SLC9A9: variants seen among roughly 807,000 people sequenced by gnomAD.
The protein encoded by SLC9A9 is solute carrier family 9 member A9.
In SLC9A9, 62 loss-of-function variants were observed where a neutral mutation model predicts 77.8. That is an observed-to-expected ratio of 0.80 (90% CI 0.65 to 0.98). SLC9A9 has a LOEUF of 0.98. SLC9A9 is among the 50% of genes least tolerant of loss of function. SLC9A9 has a pLI of 0.00. For missense variants in SLC9A9, 775 were observed against 774.9 expected, an observed-to-expected ratio of 1.00 and a Z score of 0.00; for synonymous variants, 320 against 283.5, an observed-to-expected ratio of 1.13 and a Z score of -1.29.
At chr3:143,600,496 T>C (rs1480606294) in intron 6 of SLC9A9, among the ~76,000 whole-genome samples, 1 of 152,208 alleles carries the variant, frequency 6.6e-6, no homozygotes, top group Non-Finnish European at 1.5e-5. Context: ...GTAGAACTCA[T>C]TAATTTATCA....
chr3:143,561,144 G>A (rs1175513482), intron 8 of SLC9A9, among the ~76,000 whole-genome samples: 2 of 152,172 alleles, frequency 1.3e-5, no homozygotes, highest in Non-Finnish European at 2.9e-5. Context: ...TTGTGCCATT[G>A]TACTCCAGCC....
intron 5 of SLC9A9, among the ~76,000 whole-genome samples, chr3:143,675,724 T>G (rs1306066144): frequency 6.6e-5 from 10 of 152,242 alleles, no homozygotes; most frequent in Admixed American, 6.5e-4. Flanking sequence ...TAAAAATGAT[T>G]GGTTATTTTC....
At chr3:143,474,173 T>C (rs996895527) in intron 11 of SLC9A9, among the ~76,000 whole-genome samples, 1 of 152,174 alleles carries the variant, frequency 6.6e-6, no homozygotes, top group Non-Finnish European at 1.5e-5. Context: ...ATGCCTGGTG[T>C]GCTTAAGCTG....
intron 9 of SLC9A9, among the ~76,000 whole-genome samples, chr3:143,512,506 T>C (rs1267623389): frequency 6.6e-6 from 1 of 152,244 alleles, no homozygotes. Context: ...ACACAATTTT[T>C]GGTTTCACAG....
intron 2 of SLC9A9, among the ~76,000 whole-genome samples, chr3:143,806,737 T>TGC (rs1553724403): frequency 2.7e-5 from 4 of 148,738 alleles, no homozygotes; most frequent in Non-Finnish European, 5.9e-5. Flanking sequence ...TATGTGGTGG[T>TGC]GGGGGGGGCA....
intron 4 of SLC9A9, among the ~76,000 whole-genome samples, chr3:143,761,825 G>A (rs2007133867): frequency 6.6e-6 from 1 of 152,186 alleles, no homozygotes; most frequent in African/African-American, 2.4e-5. Context: ...ATTTGATCCA[G>A]CCATCCCATT....
At chr3:143,294,556 T>C (rs1447412257) in intron 14 of SLC9A9, among the ~76,000 whole-genome samples, 1 of 152,174 alleles carries the variant, frequency 6.6e-6, no homozygotes, top group Non-Finnish European at 1.5e-5. Context: ...AAATTAGCTA[T>C]CCAAATAATG....
At chr3:143,466,532 T>C (rs892852156) in intron 12 of SLC9A9, among the ~76,000 whole-genome samples, 1 of 152,224 alleles carries the variant, frequency 6.6e-6, no homozygotes, top group African/African-American at 2.4e-5. Flanking sequence ...GTCTAACTTG[T>C]GTCTATAGCA....
chr3:143,625,472 C>T (rs1049848706), intron 6 of SLC9A9, among the ~76,000 whole-genome samples: 8 of 152,138 alleles, frequency 5.3e-5, no homozygotes, highest in Non-Finnish European at 8.8e-5. Flanking sequence ...ATATCTATAA[C>T]CATCTGATCT....
intron 6 of SLC9A9, among the ~76,000 whole-genome samples, chr3:143,645,878 G>GT (rs2038698927): frequency 6.6e-6 from 1 of 151,952 alleles, no homozygotes; most frequent in Admixed American, 6.6e-5. Flanking sequence ...AGAGTCAGCT[G>GT]TTTAATGAGA....
intron 14 of SLC9A9, among the ~76,000 whole-genome samples, chr3:143,347,752 C>G (rs2032330213): frequency 6.6e-6 from 1 of 152,216 alleles, no homozygotes; most frequent in South Asian, 2.1e-4. Flanking sequence ...TTTCAACCCT[C>G]TCTTCCAAAT....
At chr3:143,746,180 TG>T (rs761423813) in intron 4 of SLC9A9, among the ~76,000 whole-genome samples, 13 of 152,178 alleles carry the variant, frequency 8.5e-5, no homozygotes, top group Non-Finnish European at 1.0e-4. Context: ...TGCATGGATC[TG>T]GGGACAACAG....
chr3:143,636,192 T>C (rs2038517589), intron 6 of SLC9A9, among the ~76,000 whole-genome samples: 1 of 152,318 alleles, frequency 6.6e-6, no homozygotes, highest in Non-Finnish European at 1.5e-5. Flanking sequence ...AAAGTTAAAA[T>C]TTTTCTTCTC....
At position 143,423,248 on chromosome 3, in the gene SLC9A9, TACACACACACACACAC is replaced by T. The variant is rs377276883; in HGVS notation, c.1470-41150_1470-41135del. Among the ~76,000 whole-genome samples, 32 of 143,834 alleles carry T rather than the reference TACACACACACACACAC, an allele frequency of 2.2e-4. No homozygotes were observed. The Middle Eastern group carries it at 0.011, about 48-fold the overall frequency. The allele number at this position is 143,834 out of a possible 152,430, so 94.4% of individuals were successfully genotyped here. ...ACACACACGTGTACACACGCGCGTG[TACACACACACACACAC>T]ACACACACACACACACACACACACA... On this transcript the variant is annotated intron_variant, in intron 12 of 15. Coordinates refer to ENST00000316549, the MANE Select transcript of SLC9A9 (RefSeq NM_173653.4).
rs527507922 is a variant in SLC9A9 at position 143,730,034 on chromosome 3, T to G, written c.534-36727A>C. 3.3e-5 allele frequency among the ~76,000 whole-genome samples: 5 copies of G among 152,370 alleles called. No homozygotes were observed. In the East Asian group the frequency reaches 9.6e-4, roughly 29 times the overall value. On this transcript the variant is annotated intron_variant, in intron 4 of 15. Coordinates refer to ENST00000316549, the MANE Select transcript of SLC9A9 (RefSeq NM_173653.4). ...GCCTGATATCCATTTCTATAACTTG[T>G]TCTCCAAACCATATCACACAAATAG...
At chr3:143,713,782 G>A (rs185221769) in intron 4 of SLC9A9, among the ~76,000 whole-genome samples, 1 of 152,222 alleles carries the variant, frequency 6.6e-6, no homozygotes, top group Non-Finnish European at 1.5e-5. Context: ...AATAAAACGA[G>A]ATAACTTTTA....
chr3:143,743,112 C>A (rs1935113337), intron 4 of SLC9A9, among the ~76,000 whole-genome samples: 1 of 151,862 alleles, frequency 6.6e-6, no homozygotes, highest in Non-Finnish European at 1.5e-5. Context: ...ACCCAGGTAA[C>A]AGGCTCCACC....
At chr3:143,712,427 C>T (rs1047341060) in intron 4 of SLC9A9, among the ~76,000 whole-genome samples, 3 of 152,020 alleles carry the variant, frequency 2.0e-5, no homozygotes, top group Non-Finnish European at 2.9e-5. Context: ...TAATATATGC[C>T]CAGCACCTTG....
chr3:143,456,689 C>T (rs573004200), intron 12 of SLC9A9, among the ~76,000 whole-genome samples: 6 of 151,860 alleles, frequency 4.0e-5, no homozygotes, highest in East Asian at 3.9e-4. Context: ...CTCAGCCTCC[C>T]GAGTAGCTGA....
Sources: gnomAD v4.1 joint callset for allele counts (sites outside exome capture counted in the v4.1 genomes callset) on GRCh38, gnomAD v4.1.1 for gene constraint, MANE v1.5 for transcripts, NCBI Gene and HGNC (gene_info 2026-07-23, HGNC 2026-07-21) for gene names.